The following AIM2 variants were observed in gnomAD, a reference collection of about 807,000 sequenced individuals.
AIM2 encodes the protein absent in melanoma 2, also known as interferon-inducible protein AIM2.
AIM2 carries 30 observed loss-of-function variants against 27.7 expected under a neutral mutation model. The observed-to-expected ratio is 1.08, with a 90% CI of 0.81 to 1.47. The LOEUF is 1.47. Ranked by LOEUF, AIM2 falls within the 40% of genes most tolerant of loss-of-function variation. AIM2 has a pLI of 0.00. For synonymous variants in AIM2, 141 were observed against 145.3 expected (o/e 0.97, Z 0.21); for missense variants, 358 against 411.3 (o/e 0.87, Z 1.12).
At chr1:159,075,534 TACACACAC>T (rs55988373) in intron 1 of AIM2, among the ~76,000 whole-genome samples, 1,476 of 129,530 alleles carry the variant, frequency 0.011, 10 homozygotes, top group African/African-American at 0.022. Context: ...ATACCTGCAA[TACACACAC>T]ACACACACAC....
chr1:159,109,602 C>T (rs180788986), intron 1 of AIM2, among the ~76,000 whole-genome samples: 1 of 152,224 alleles, frequency 6.6e-6, no homozygotes, highest in South Asian at 2.1e-4. Context: ...GCAAAAGGAA[C>T]AGTCAGCAGA....
chr1:159,124,318 A>G (rs924262010), intron 1 of AIM2, among the ~76,000 whole-genome samples: 3 of 152,242 alleles, frequency 2.0e-5, no homozygotes, highest in African/African-American at 7.2e-5. Flanking sequence ...CAAGATGAAA[A>G]TGTTTTTTAC....
At chr1:159,060,187 T>A (rs573953593), downstream of AIM2, among the ~76,000 whole-genome samples, 5 of 152,310 alleles carry the variant, frequency 3.3e-5, no homozygotes, top group South Asian at 1.0e-3. Flanking sequence ...TCTGAGGACA[T>A]TTTCCTTAAT....
rs78769284 is a variant in AIM2, at chr1:159,124,766, G to A, written c.-16+15665C>T. ...AGAGGTCCATTGAAGAACCACCAGC[G>A]CACCTCTCTCCCCAGCTCAGTAGAG... On this transcript the variant is annotated intron_variant, in intron 1 of 2. Transcript: ENST00000368129. Among the ~76,000 whole-genome samples, 378 of 152,246 alleles carry A rather than the reference G, an allele frequency of 2.5e-3. 2 individuals carry two copies. Among genetic ancestry groups the A allele is most frequent in the African/African-American group, 8.2e-3 (340 of 41,532 alleles).
intron 1 of AIM2, among the ~76,000 whole-genome samples, chr1:159,105,259 C>T (rs1390588934): frequency 1.3e-5 from 2 of 152,234 alleles, no homozygotes; most frequent in Non-Finnish European, 2.9e-5. Flanking sequence ...CGTACTGCAA[C>T]TGGCGTCTGG....
intron 2 of AIM2, 135 bp from the exon 3 acceptor site, chr1:159,068,836 A>T: frequency 1.0e-6 from 1 of 984,754 alleles, no homozygotes; most frequent in Admixed American, 3.3e-5. Flanking sequence ...CTTAAAAAAA[A>T]ATCATATTTT....
downstream of AIM2, among the ~76,000 whole-genome samples, chr1:159,057,659 G>C (rs1007594438): frequency 6.6e-6 from 1 of 152,124 alleles, no homozygotes; most frequent in African/African-American, 2.4e-5. Flanking sequence ...GAACAAGCAA[G>C]GTTCATCTAA....
At chr1:159,107,435 G>C (rs187388373) in intron 1 of AIM2, among the ~76,000 whole-genome samples, 1 of 152,146 alleles carries the variant, frequency 6.6e-6, no homozygotes, top group African/African-American at 2.4e-5. Context: ...CAATTGGGTA[G>C]TCAGACTATG....
In AIM2 at chr1:159,066,308, C is replaced by A; in HGVS notation, c.418G>T (p.Ala140Ser). ...HVKPEQKQMV[A>S]QQESIREGFQ... is the part of the protein sequence containing the mutation. ...CCTTCTCTGATAGATTCCTGCTGGGCCACCATCTGTTTCTGTTCAGGCTGA... is the reference window on the plus strand; with the variant it reads ...CCTTCTCTGATAGATTCCTGCTGGGACACCATCTGTTTCTGTTCAGGCTGA... Residue 140 changes from alanine (A) to serine (S), a missense_variant, in exon 4 of 6, where the codon GCC becomes TCC. Transcript: ENST00000368130. 6.2e-7 allele frequency: 1 copy of A among 1,612,690 alleles called. No homozygotes were observed.
At chr1:159,075,534 TACACACACACACACACACACACAC>T (rs55988373) in intron 1 of AIM2, among the ~76,000 whole-genome samples, 2 of 129,538 alleles carry the variant, frequency 1.5e-5, no homozygotes, top group East Asian at 4.6e-4. Flanking sequence ...ATACCTGCAA[TACACACACACACACACACACACAC>T]ACACACACAC....
intron 1 of AIM2, among the ~76,000 whole-genome samples, chr1:159,146,768 C>T (rs1262538069): frequency 6.6e-6 from 1 of 152,152 alleles, no homozygotes; most frequent in Non-Finnish European, 1.5e-5. Flanking sequence ...CTCTGAGCTT[C>T]CCAGGCCTCT....
chr1:159,101,145 G>A (rs1657303865), intron 1 of AIM2, among the ~76,000 whole-genome samples: 1 of 152,182 alleles, frequency 6.6e-6, no homozygotes, highest in Non-Finnish European at 1.5e-5. Flanking sequence ...TGTTGTAGGA[G>A]GGACCTGGTG....
In AIM2 at chr1:159,104,019, G is replaced by C. The variant is rs528523296; in HGVS notation, c.-16+36412C>G. ...TCTGATCTAGTAAGCAGAAATAACA[G>C]GAAAAACCTACACTTTTTTTATTTT... On this transcript the variant is annotated intron_variant, in intron 1 of 2. Coordinates refer to the AIM2 transcript ENST00000368129. 5.9e-5 allele frequency among the ~76,000 whole-genome samples: 9 copies of C among 151,828 alleles called. No homozygotes were observed. In the South Asian group the frequency reaches 1.9e-3, roughly 32 times the overall value.
rs863026 is a variant in AIM2, at chr1:159,132,676, G to A, written c.-16+7755C>T. Among the ~76,000 whole-genome samples, 644 of 152,236 alleles carry A rather than the reference G, an allele frequency of 4.2e-3. 4 individuals carry two copies. The highest frequency in any genetic ancestry group is 7.6e-3 in the Non-Finnish European group (517 of 68,030). The stretch of plus-strand genomic sequence containing the variant: ...ACACATTCCTCCACCAGAGAATAGA[G>A]TAACACCCTGTATTATGACGGCAAA... On this transcript the variant is annotated intron_variant, in intron 1 of 2. Coordinates refer to the AIM2 transcript ENST00000368129.
In AIM2 at chr1:159,137,006, T is replaced by C. The variant is rs74959158; in HGVS notation, c.-16+3425A>G. On this transcript the variant is annotated intron_variant, in intron 1 of 2. Coordinates refer to the AIM2 transcript ENST00000368129. The stretch of plus-strand genomic sequence containing the variant: ...GGAGACCTCTAAACCTGCCTACATA[T>C]CTGACTCTATTCTCTACCTGTCTAT... Among the ~76,000 whole-genome samples the C allele has an allele frequency of 8.7e-3, 1,323 of 152,256 alleles. 27 individuals carry two copies. The highest frequency in any genetic ancestry group is 0.03 in the African/African-American group (1,241 of 41,534).
downstream of AIM2, among the ~76,000 whole-genome samples, chr1:159,061,441 G>T (rs1250399062): frequency 1.3e-5 from 2 of 151,972 alleles, no homozygotes; most frequent in Non-Finnish European, 2.9e-5. Flanking sequence ...CACCCAGGCT[G>T]GAGTGCAATG....
chr1:159,104,438 T>C (rs1482716858), intron 1 of AIM2, among the ~76,000 whole-genome samples: 2 of 152,236 alleles, frequency 1.3e-5, no homozygotes, highest in East Asian at 1.9e-4. Context: ...ATAAGTATGA[T>C]TGAAATAAGT....
chr1:159,131,351 A>G (rs1040080212), intron 1 of AIM2, among the ~76,000 whole-genome samples: 10 of 152,180 alleles, frequency 6.6e-5, no homozygotes, highest in African/African-American at 2.4e-4. Context: ...GTGCATATAT[A>G]TATGTATATG....
intron 2 of AIM2, 75 bp from the exon 3 acceptor site, chr1:159,068,776 G>T: frequency 1.4e-6 from 2 of 1,398,402 alleles, no homozygotes; most frequent in Non-Finnish European, 2.0e-6. Flanking sequence ...ATGTCACCAG[G>T]AATAAATACT....
Sources: gnomAD v4.1 joint callset for allele counts (sites outside exome capture counted in the v4.1 genomes callset) on GRCh38, gnomAD v4.1.1 for gene constraint, MANE v1.5 for transcripts, NCBI Gene and HGNC (gene_info 2026-07-23, HGNC 2026-07-21) for gene names.